Variants in KCNB2 observed in about 807,000 individuals in gnomAD.
KCNB2 encodes the protein delayed rectifier potassium channel protein.
A neutral mutation model predicts 61.5 loss-of-function variants in KCNB2; 15 were observed. The observed-to-expected ratio is 0.24, with a 90% CI of 0.16 to 0.38. KCNB2 has a LOEUF of 0.38. Ranked by LOEUF, KCNB2 falls within the 10% of genes least tolerant of loss-of-function variation. The pLI is 1.00. For missense variants in KCNB2, 828 were observed against 1,125.2 expected (o/e 0.74, Z 3.78); for synonymous variants, 457 against 446.0 (o/e 1.02, Z -0.31).
intron 2 of KCNB2, among the ~76,000 whole-genome samples, chr8:72,678,920 C>G (rs1160971415): frequency 6.6e-6 from 1 of 152,208 alleles, no homozygotes; most frequent in East Asian, 1.9e-4. Flanking sequence ...TGCCTAGGAC[C>G]TTGCCATGGG....
chr8:72,758,153 G>C (rs1808320498), intron 2 of KCNB2, among the ~76,000 whole-genome samples: 1 of 152,194 alleles, frequency 6.6e-6, no homozygotes, highest in Admixed American at 6.5e-5. Context: ...GCAGGAGTTT[G>C]GTAAGGAGAC....
chr8:72,923,676 A>G (rs1048257456), intron 2 of KCNB2, among the ~76,000 whole-genome samples: 10 of 151,522 alleles, frequency 6.6e-5, no homozygotes, highest in Admixed American at 2.0e-4. Context: ...TTTACAGACT[A>G]TACATTTGTC....
intron 2 of KCNB2, among the ~76,000 whole-genome samples, chr8:72,675,268 C>A (rs912228610): frequency 6.6e-6 from 1 of 152,096 alleles, no homozygotes; most frequent in African/African-American, 2.4e-5. Context: ...CTGATGGAAG[C>A]AATGAGTAGC....
At chr8:72,782,294 A>T (rs1256412959) in intron 2 of KCNB2, among the ~76,000 whole-genome samples, 1 of 152,080 alleles carries the variant, frequency 6.6e-6, no homozygotes, top group Non-Finnish European at 1.5e-5. Flanking sequence ...ATATAGGGAA[A>T]AATTGTAGGG....
At chr8:72,912,337 A>G (rs918158742) in intron 2 of KCNB2, among the ~76,000 whole-genome samples, 1 of 152,094 alleles carries the variant, frequency 6.6e-6, no homozygotes, top group Non-Finnish European at 1.5e-5. Flanking sequence ...GAGGTGGATG[A>G]AATAACTAAC....
At chr8:72,788,206 A>G (rs532150556) in intron 2 of KCNB2, among the ~76,000 whole-genome samples, 122 of 152,312 alleles carry the variant, frequency 8.0e-4, no homozygotes, top group African/African-American at 2.9e-3. Context: ...TTTGGCCTGC[A>G]TAACAAAATA....
intron 2 of KCNB2, among the ~76,000 whole-genome samples, chr8:72,804,785 T>C (rs190792523): frequency 1.5e-3 from 221 of 152,340 alleles, no homozygotes; most frequent in Non-Finnish European, 2.6e-3. Flanking sequence ...ATATGCTAAC[T>C]GTTGGCACTA....
intron 2 of KCNB2, among the ~76,000 whole-genome samples, chr8:72,657,081 A>G (rs1242530440): frequency 6.6e-6 from 1 of 152,170 alleles, no homozygotes; most frequent in Non-Finnish European, 1.5e-5. Context: ...TTTAATAAAT[A>G]TTTATTGACC....
At chr8:72,666,998 T>C (rs1806484101) in intron 2 of KCNB2, among the ~76,000 whole-genome samples, 1 of 131,542 alleles carries the variant, frequency 7.6e-6, no homozygotes, top group Admixed American at 6.8e-5. Flanking sequence ...TGTGTGTGTG[T>C]GTGTGTGTGA....
At chr8:72,869,126 C>A (rs1382633683) in intron 2 of KCNB2, among the ~76,000 whole-genome samples, 2 of 152,206 alleles carry the variant, frequency 1.3e-5, no homozygotes, top group East Asian at 3.9e-4. Context: ...GCTCAGGAAG[C>A]TGCACAGAGA....
intron 2 of KCNB2, among the ~76,000 whole-genome samples, chr8:72,799,104 T>A (rs1409666556): frequency 1.3e-5 from 2 of 152,150 alleles, no homozygotes; most frequent in African/African-American, 4.8e-5. Context: ...TGTCCCTGTG[T>A]GAAGACCACA....
intron 2 of KCNB2, among the ~76,000 whole-genome samples, chr8:72,639,939 G>A (rs1806028908): frequency 6.6e-6 from 1 of 150,402 alleles, no homozygotes; most frequent in African/African-American, 2.4e-5. Flanking sequence ...ACAATGTCAA[G>A]AAAAGGAGAG....
intron 2 of KCNB2, among the ~76,000 whole-genome samples, chr8:72,837,671 T>A (rs1473995548): frequency 3.3e-5 from 5 of 152,174 alleles, no homozygotes; most frequent in African/African-American, 7.2e-5. Context: ...CATTAGTCAA[T>A]AAAATATTGT....
chr8:72,845,023 G>A (rs1207581714), intron 2 of KCNB2, among the ~76,000 whole-genome samples: 1 of 152,188 alleles, frequency 6.6e-6, no homozygotes, highest in Admixed American at 6.5e-5. Context: ...GAGGTGTTCT[G>A]TTTTTTGGGA....
intron 2 of KCNB2, among the ~76,000 whole-genome samples, chr8:72,700,927 G>A (rs1807112345): frequency 6.6e-6 from 1 of 152,144 alleles, no homozygotes; most frequent in African/African-American, 2.4e-5. Context: ...CTCGTCCTTT[G>A]CAGCAACATA....
intron 2 of KCNB2, among the ~76,000 whole-genome samples, chr8:72,668,609 G>A (rs562157685): frequency 2.1e-4 from 32 of 152,114 alleles, no homozygotes; most frequent in East Asian, 1.2e-3. Context: ...CCTCCTCCTC[G>A]TTCTTCAGAT....
chr8:72,691,825 A>C (rs894070363), intron 2 of KCNB2, among the ~76,000 whole-genome samples: 17 of 152,170 alleles, frequency 1.1e-4, no homozygotes, highest in Non-Finnish European at 8.8e-5. Context: ...CTAACTTTCT[A>C]TTCCAGTGCA....
intron 2 of KCNB2, among the ~76,000 whole-genome samples, chr8:72,915,735 C>T (rs1585973180): frequency 6.6e-6 from 1 of 151,918 alleles, no homozygotes; most frequent in Admixed American, 6.6e-5. Flanking sequence ...CTGGCTAACG[C>T]GGTGAAACCC....
intron 2 of KCNB2, among the ~76,000 whole-genome samples, chr8:72,811,909 T>A (rs988046807): frequency 2.0e-5 from 3 of 152,198 alleles, no homozygotes; most frequent in Admixed American, 2.0e-4. Context: ...GGGTCCCACG[T>A]ACAAAAAATT....
Sources: allele counts gnomAD v4.1 joint callset (sites outside exome capture counted in the v4.1 genomes callset), GRCh38; gene constraint gnomAD v4.1.1; transcripts MANE v1.5; gene names NCBI Gene and HGNC (gene_info 2026-07-23, HGNC 2026-07-21).